Variants in PAPPA observed in about 807,000 individuals in gnomAD.
PAPPA encodes the protein pappalysin-1.
In PAPPA, 60 loss-of-function variants were observed where a neutral mutation model predicts 164.0. The ratio of observed to expected loss-of-function variants is 0.37; its 90% CI spans 0.30 to 0.45. The LOEUF is 0.45. Among genes scored for constraint, PAPPA ranks in the 20% least tolerant of loss-of-function variants. PAPPA has a pLI of 1.00. For synonymous variants in PAPPA, 875 were observed against 814.1 expected (o/e 1.07, Z -1.27); for missense variants, 1,782 against 2,087.3 (o/e 0.85, Z 2.85).
intron 9 of PAPPA, among the ~76,000 whole-genome samples, chr9:116,276,975 C>T (rs1028012112): frequency 4.6e-5 from 7 of 151,778 alleles, no homozygotes; most frequent in Non-Finnish European, 7.4e-5. Context: ...TGAGCCAAGG[C>T]GAGAAAGGAA....
chr9:116,274,082 T>C (rs1417646052), intron 9 of PAPPA, among the ~76,000 whole-genome samples: 1 of 121,536 alleles, frequency 8.2e-6, no homozygotes, highest in East Asian at 3.5e-4. Flanking sequence ...GTAAGCTACC[T>C]GCAAAAAAAA....
chr9:116,361,094 G>A (rs1017001002), intron 17 of PAPPA, among the ~76,000 whole-genome samples: 1 of 152,238 alleles, frequency 6.6e-6, no homozygotes, highest in East Asian at 1.9e-4. Flanking sequence ...AAGGTTGGTG[G>A]TGGTGCTCTG....
At chr9:116,381,510 C>A (rs1846731149) in intron 20 of PAPPA, among the ~76,000 whole-genome samples, 1 of 152,208 alleles carries the variant, frequency 6.6e-6, no homozygotes, top group African/African-American at 2.4e-5. Flanking sequence ...CAAGAGACTC[C>A]TGGACTTTCC....
At chr9:116,224,190 C>G (rs1454058063) in intron 5 of PAPPA, among the ~76,000 whole-genome samples, 1 of 152,234 alleles carries the variant, frequency 6.6e-6, no homozygotes, top group East Asian at 1.9e-4. Flanking sequence ...CCTCCCACAG[C>G]CTGTGTCCTC....
In PAPPA at chr9:116,154,136, T is replaced by A; in HGVS notation, c.-37T>A. On this transcript the variant is annotated 5_prime_UTR_variant, in exon 1 of 22. Coordinates refer to ENST00000328252, the MANE Select transcript of PAPPA (RefSeq NM_002581.5). This position sits in a 1 kb window ranked among gnomAD's most constrained non-coding sequence, Gnocchi z 5.2. ...CAAAGCTGGCAGCTCCGGGTGGCGG[T>A]GCAGGGGCGAAGGGGGGGCGGGGGG... The A allele has an allele frequency of 1.9e-6, 1 of 532,006 alleles. No homozygotes were observed. 33.0% of individuals were successfully genotyped at this position (532,006 alleles called of 1,614,324 possible).
At position 116,201,020 on chromosome 9, in the gene PAPPA, C is replaced by T. The variant is rs78945452; in HGVS notation, c.1479-6436C>T. Reference sequence around the variant, plus strand: ...TTTGGAAACTAATCATTCAAGATTCCAAGAATTTAATAAACTCTCCCAGCA... The same window carrying T: ...TTTGGAAACTAATCATTCAAGATTCTAAGAATTTAATAAACTCTCCCAGCA... On this transcript the variant is annotated intron_variant, in intron 2 of 21. Coordinates refer to ENST00000328252, the MANE Select transcript of PAPPA (RefSeq NM_002581.5). Among the ~76,000 whole-genome samples the T allele has an allele frequency of 6.2e-3, 936 of 152,178 alleles. 31 individuals carry two copies. In the East Asian group the frequency reaches 0.11, roughly 17 times the overall value.
intron 18 of PAPPA, among the ~76,000 whole-genome samples, chr9:116,367,119 G>A (rs914421152): frequency 6.6e-6 from 1 of 152,196 alleles, no homozygotes; most frequent in African/African-American, 2.4e-5. Context: ...AATTGAACTG[G>A]CCCTTGAATA....
At chr9:116,373,986 A>G (rs967466399) in intron 19 of PAPPA, among the ~76,000 whole-genome samples, 1 of 151,986 alleles carries the variant, frequency 6.6e-6, no homozygotes, top group Non-Finnish European at 1.5e-5. Context: ...TTTATTAAAT[A>G]GAGAATTTTG....
chr9:116,251,927 G>A (rs735649), intron 7 of PAPPA, among the ~76,000 whole-genome samples: 5 of 152,234 alleles, frequency 3.3e-5, no homozygotes, highest in Middle Eastern at 3.4e-3. Context: ...ACCTCGTCCC[G>A]GGATTCGAAG....
intron 9 of PAPPA, among the ~76,000 whole-genome samples, chr9:116,289,137 T>TATATATATATATATATATAGC (rs1845385212): frequency 1.7e-5 from 1 of 58,072 alleles, no homozygotes; most frequent in African/African-American, 6.7e-5. Flanking sequence ...TATATATATA[T>TATATATATATATATATATAGC]ATATATATAT....
chr9:116,265,787 C>G, intron 7 of PAPPA, 70 bp from the exon 8 acceptor site: 1 of 1,310,750 alleles, frequency 7.6e-7, no homozygotes, highest in Non-Finnish European at 1.1e-6. Context: ...TCCAGGGGAT[C>G]AATTTTCCAT....
At chr9:116,219,644 G>T (rs1380359537) in intron 4 of PAPPA, among the ~76,000 whole-genome samples, 1 of 152,292 alleles carries the variant, frequency 6.6e-6, no homozygotes, top group Admixed American at 6.5e-5. Context: ...AGCTCATCTT[G>T]CCTGTGTCCT....
rs191379508 is a variant in PAPPA, at chr9:116,400,512, G to A, written c.*3896G>A. The A allele has an allele frequency of 2.6e-5, 4 of 152,196 alleles. No homozygotes were observed. The highest frequency in any genetic ancestry group is 1.9e-4 in the East Asian group (1 of 5,174). 9.4% of individuals were successfully genotyped at this position (152,196 alleles called of 1,614,324 possible). The stretch of plus-strand genomic sequence containing the variant: ...AGCTATTAAGGGGACATATTGTGTC[G>A]TTGTGCTTTTCACGTTATAAAATGT... On this transcript the variant is annotated 3_prime_UTR_variant, in exon 22 of 22. Coordinates refer to ENST00000328252, the MANE Select transcript of PAPPA (RefSeq NM_002581.5).
chr9:116,392,477 TAG>T (rs1347953628), intron 21 of PAPPA, among the ~76,000 whole-genome samples: 1 of 152,132 alleles, frequency 6.6e-6, no homozygotes, highest in Non-Finnish European at 1.5e-5. Flanking sequence ...AGCTAGCATA[TAG>T]AAATCATCTG....
At chr9:116,171,741 T>C (rs1383203138) in intron 1 of PAPPA, among the ~76,000 whole-genome samples, 1 of 152,138 alleles carries the variant, frequency 6.6e-6, no homozygotes, top group Non-Finnish European at 1.5e-5. Flanking sequence ...CCCTTATTCA[T>C]TGAAACCATG....
chr9:116,200,775 A>G (rs1844163387), intron 2 of PAPPA, among the ~76,000 whole-genome samples: 1 of 152,154 alleles, frequency 6.6e-6, no homozygotes, highest in Admixed American at 6.5e-5. Flanking sequence ...GTTGTTGATG[A>G]ATGAAAGCAG....
chr9:116,292,270 T>G (rs1845446196), intron 9 of PAPPA, among the ~76,000 whole-genome samples: 1 of 152,130 alleles, frequency 6.6e-6, no homozygotes, highest in African/African-American at 2.4e-5. Context: ...ATGGCGTAGT[T>G]TACGTTTTTA....
rs961856221 is a variant in PAPPA at position 116,400,867 on chromosome 9, G to T, written c.*4251G>T. ...AGGCAGCAGTTTGCTCAGTGATCTT[G>T]AACAAGTTATCCAATTGCCTCTACA... On this transcript the variant is annotated 3_prime_UTR_variant, in exon 22 of 22. Transcript: ENST00000328252. The T allele has an allele frequency of 1.3e-5, 2 of 152,590 alleles. No homozygotes were observed. Among genetic ancestry groups the T allele is most frequent in the East Asian group, 3.9e-4 (2 of 5,188 alleles). The allele number at this position is 152,590 out of a possible 1,614,324, so 9.5% of individuals were successfully genotyped here. A position where few individuals can be genotyped will look rare whatever the true frequency, so the allele number is the denominator to read the frequency against.
chr9:116,194,221 C>T (rs1187072059), intron 2 of PAPPA, among the ~76,000 whole-genome samples: 1 of 152,134 alleles, frequency 6.6e-6, no homozygotes, highest in African/African-American at 2.4e-5. Flanking sequence ...CTTGGGCAAG[C>T]CTTTTAATCT....
Sources: allele counts gnomAD v4.1 joint callset (sites outside exome capture counted in the v4.1 genomes callset), GRCh38; gene constraint gnomAD v4.1.1; non-coding constraint Gnocchi (gnomAD v3.1); transcripts MANE v1.5; gene names NCBI Gene and HGNC (gene_info 2026-07-23, HGNC 2026-07-21).